The following PBX4 variants were observed in gnomAD, a reference collection of about 807,000 sequenced individuals.
PBX4 encodes the protein PBX homeobox 4, also known as pre-B-cell leukemia transcription factor 4.
A neutral mutation model predicts 35.1 loss-of-function variants in PBX4; 26 were observed. The ratio of observed to expected loss-of-function variants is 0.74; its 90% CI spans 0.54 to 1.03. The LOEUF is 1.03. Among genes scored for constraint, PBX4 ranks in the 50% least tolerant of loss-of-function variants. The pLI is 0.00. For synonymous variants in PBX4, 199 were observed against 204.2 expected (o/e 0.97, Z 0.22); for missense variants, 448 against 504.3 (o/e 0.89, Z 1.07).
chr19:19,564,093 T>C (rs2061325757), intron 6 of PBX4, among the ~76,000 whole-genome samples: 1 of 151,204 alleles, frequency 6.6e-6, no homozygotes. Flanking sequence ...CTGCACCCAC[T>C]AACTCGTCAT....
chr19:19,577,152 G>A (rs2061424426), intron 2 of PBX4, among the ~76,000 whole-genome samples: 2 of 146,816 alleles, frequency 1.4e-5, no homozygotes, highest in Non-Finnish European at 3.0e-5. Flanking sequence ...CCAAGATTGT[G>A]CCACTGCACT....
chr19:19,594,297 C>T (rs947545586), intron 2 of PBX4, among the ~76,000 whole-genome samples: 4 of 149,310 alleles, frequency 2.7e-5, no homozygotes, highest in Non-Finnish European at 5.9e-5. Context: ...CCCAACTACT[C>T]GGGAGGCTGA....
chr19:19,610,226 C>T (rs1037715854), intron 1 of PBX4, among the ~76,000 whole-genome samples: 2 of 152,118 alleles, frequency 1.3e-5, no homozygotes, highest in Non-Finnish European at 2.9e-5. Flanking sequence ...CCAGCCTGAA[C>T]AACATGGAGA....
At chr19:19,569,685 C>T in intron 4 of PBX4, 101 bp from the exon 5 acceptor site, 3 of 1,438,106 alleles carry the variant, frequency 2.1e-6, no homozygotes, top group Non-Finnish European at 2.8e-6. Flanking sequence ...CTGAAAACAG[C>T]AATCACTTGA....
intron 2 of PBX4, among the ~76,000 whole-genome samples, chr19:19,573,330 T>TACACACACACACACAC (rs397838081): frequency 7.5e-6 from 1 of 133,378 alleles, no homozygotes; most frequent in African/African-American, 2.8e-5. Context: ...AAAAAAAATA[T>TACACACACACACACAC]ACACACACAC....
At chr19:19,600,115 C>T (rs926628889) in intron 1 of PBX4, among the ~76,000 whole-genome samples, 1 of 151,374 alleles carries the variant, frequency 6.6e-6, no homozygotes, top group African/African-American at 2.4e-5. Flanking sequence ...GTACTCCAGC[C>T]CAGGCAATAG....
intron 2 of PBX4, among the ~76,000 whole-genome samples, chr19:19,578,741 G>A (rs151232962): frequency 2.0e-4 from 31 of 152,302 alleles, no homozygotes; most frequent in East Asian, 1.2e-3. Context: ...GCTGTGAGCC[G>A]AATGTTTGTG....
chr19:19,582,190 T>C (rs2061459033), intron 2 of PBX4, among the ~76,000 whole-genome samples: 1 of 152,058 alleles, frequency 6.6e-6, no homozygotes, highest in Admixed American at 6.6e-5. Context: ...AGCTTCCCAG[T>C]GATACGGGAG....
intron 2 of PBX4, among the ~76,000 whole-genome samples, chr19:19,584,327 C>T (rs1017711743): frequency 6.6e-6 from 1 of 152,186 alleles, no homozygotes; most frequent in African/African-American, 2.4e-5. Context: ...CCACAGCAAA[C>T]CCCAGTCTTC....
intron 2 of PBX4, among the ~76,000 whole-genome samples, chr19:19,576,469 G>A (rs1020390981): frequency 5.9e-5 from 9 of 151,744 alleles, no homozygotes; most frequent in African/African-American, 1.9e-4. Flanking sequence ...CGTGATCCAC[G>A]CACCTTGACC....
At chr19:19,591,929 C>G (rs2061530806) in intron 2 of PBX4, among the ~76,000 whole-genome samples, 1 of 152,176 alleles carries the variant, frequency 6.6e-6, no homozygotes, top group African/African-American at 2.4e-5. Context: ...GGTGTGATCT[C>G]AGCTCACTGC....
At chr19:19,614,564 G>T (rs2061678706) in intron 1 of PBX4, among the ~76,000 whole-genome samples, 1 of 151,894 alleles carries the variant, frequency 6.6e-6, no homozygotes, top group South Asian at 2.1e-4. Context: ...GAACCCGGGA[G>T]GCGGAGGTTG....
intron 5 of PBX4, among the ~76,000 whole-genome samples, chr19:19,567,796 AC>A (rs1296093939): frequency 6.6e-6 from 1 of 150,978 alleles, no homozygotes; most frequent in East Asian, 2.0e-4. Flanking sequence ...ACTCTCTACC[AC>A]GTCACCTCAG....
At chr19:19,567,477 G>A (rs1427026976) in intron 5 of PBX4, among the ~76,000 whole-genome samples, 2 of 152,166 alleles carry the variant, frequency 1.3e-5, no homozygotes, top group East Asian at 3.8e-4. Context: ...AAGTAGGGAG[G>A]GCTGTGGTGA....
intron 2 of PBX4, among the ~76,000 whole-genome samples, chr19:19,584,204 C>T (rs1332858136): frequency 6.6e-6 from 1 of 152,196 alleles, no homozygotes; most frequent in Admixed American, 6.5e-5. Flanking sequence ...TGCCACTGCA[C>T]TCCAGCCTGG....
intron 2 of PBX4, among the ~76,000 whole-genome samples, chr19:19,582,489 A>G (rs2061461746): frequency 6.6e-6 from 1 of 152,162 alleles, no homozygotes. Context: ...GAAATCCAGG[A>G]GAGCCCAGTC....
chr19:19,582,736 C>T (rs577643582), intron 2 of PBX4, among the ~76,000 whole-genome samples: 3 of 152,336 alleles, frequency 2.0e-5, no homozygotes, highest in Admixed American at 1.3e-4. Context: ...AAGAAGCCTG[C>T]TTCTCTTTCA....
intron 2 of PBX4, among the ~76,000 whole-genome samples, chr19:19,591,490 G>A (rs188873544): frequency 2.0e-5 from 3 of 152,338 alleles, no homozygotes; most frequent in Non-Finnish European, 4.4e-5. Flanking sequence ...GGCTCTGTGC[G>A]TTCCTACAGC....
chr19:19,564,900 A>C, intron 6 of PBX4, 33 bp downstream of exon 6: 1 of 1,614,074 alleles, frequency 6.2e-7, no homozygotes, highest in South Asian at 1.1e-5. Context: ...CCACATGGGT[A>C]CAGATGACTG....
Sources: allele counts gnomAD v4.1 joint callset (sites outside exome capture counted in the v4.1 genomes callset), GRCh38; gene constraint gnomAD v4.1.1; transcripts MANE v1.5; gene names NCBI Gene and HGNC (gene_info 2026-07-23, HGNC 2026-07-21).